Variants in RIMS1 observed in about 807,000 individuals in gnomAD.
The protein encoded by RIMS1 is regulating synaptic membrane exocytosis 1.
In RIMS1, 83 loss-of-function variants were observed where a neutral mutation model predicts 214.1. The ratio of observed to expected loss-of-function variants is 0.39; its 90% CI spans 0.32 to 0.47. The LOEUF is 0.47. Among genes scored for constraint, RIMS1 ranks in the 20% least tolerant of loss-of-function variants. The pLI is 0.99. For missense variants in RIMS1, 2,050 were observed against 2,161.8 expected (o/e 0.95, Z 1.03); for synonymous variants, 793 against 786.8 (o/e 1.01, Z -0.13).
intron 6 of RIMS1, among the ~76,000 whole-genome samples, chr6:72,212,238 A>T (rs1371845544): frequency 6.6e-6 from 1 of 151,760 alleles, no homozygotes; most frequent in African/African-American, 2.4e-5. Flanking sequence ...AGGAATATGC[A>T]TCTCATTTAT....
chr6:72,233,864 T>A, intron 7 of RIMS1, 24 bp downstream of exon 7: 2 of 1,512,162 alleles, frequency 1.3e-6, no homozygotes, highest in Non-Finnish European at 1.8e-6. Context: ...AAAGTGTGTT[T>A]GGAGTTTAGG....
intron 27 of RIMS1, among the ~76,000 whole-genome samples, chr6:72,312,896 T>G (rs1196266308): frequency 6.6e-6 from 1 of 152,204 alleles, no homozygotes; most frequent in Non-Finnish European, 1.5e-5. Context: ...CAAGTATCCC[T>G]TACCCAAAAT....
At chr6:72,087,287 T>C (rs966719592) in intron 2 of RIMS1, among the ~76,000 whole-genome samples, 8 of 152,224 alleles carry the variant, frequency 5.3e-5, no homozygotes, top group Non-Finnish European at 1.2e-4. Context: ...GATTTTACCA[T>C]GCCAATGCAG....
intron 1 of RIMS1, among the ~76,000 whole-genome samples, chr6:71,958,582 A>G (rs1164200345): frequency 1.3e-5 from 2 of 152,142 alleles, no homozygotes; most frequent in Admixed American, 6.6e-5. Flanking sequence ...TCAAAGTGAC[A>G]AAATGATGTT....
intron 2 of RIMS1, among the ~76,000 whole-genome samples, chr6:72,043,854 A>C (rs1394275626): frequency 8.6e-5 from 13 of 151,700 alleles, no homozygotes; most frequent in Admixed American, 8.6e-4. Context: ...TACATTAATG[A>C]AGAAAAATTT....
intron 6 of RIMS1, among the ~76,000 whole-genome samples, chr6:72,191,372 G>A (rs1392927679): frequency 1.3e-5 from 2 of 152,246 alleles, no homozygotes; most frequent in African/African-American, 4.8e-5. Context: ...TACTGAGGTA[G>A]AAGGTCCCTG....
chr6:72,282,393 C>A (rs77691751), intron 23 of RIMS1, among the ~76,000 whole-genome samples: 1 of 151,988 alleles, frequency 6.6e-6, no homozygotes, highest in Non-Finnish European at 1.5e-5. Context: ...TCTCTGCCCC[C>A]CTACCACCCA....
chr6:72,016,909 A>T (rs1812944697), intron 2 of RIMS1, among the ~76,000 whole-genome samples: 1 of 152,178 alleles, frequency 6.6e-6, no homozygotes, highest in Non-Finnish European at 1.5e-5. Flanking sequence ...TTGACATGGG[A>T]CCCTGGCAAT....
intron 27 of RIMS1, among the ~76,000 whole-genome samples, chr6:72,308,892 T>C (rs1170211683): frequency 6.6e-6 from 1 of 152,196 alleles, no homozygotes; most frequent in Non-Finnish European, 1.5e-5. Context: ...TCTTCATAGA[T>C]ATCATCATCG....
chr6:71,903,458 C>A (rs1023309600), intron 1 of RIMS1, among the ~76,000 whole-genome samples: 2 of 152,018 alleles, frequency 1.3e-5, no homozygotes, highest in African/African-American at 4.8e-5. Context: ...GATTTCATGA[C>A]CAAAACGTCA....
chr6:72,002,847 G>A (rs1805759367), intron 2 of RIMS1, among the ~76,000 whole-genome samples: 1 of 152,112 alleles, frequency 6.6e-6, no homozygotes. Context: ...GAAAGAAAAT[G>A]GCTACATCCC....
chr6:71,920,570 A>G (rs1017956814), intron 1 of RIMS1, among the ~76,000 whole-genome samples: 1 of 152,228 alleles, frequency 6.6e-6, no homozygotes, highest in Non-Finnish European at 1.5e-5. Context: ...TTATGTAGGT[A>G]AAATTTAATT....
intron 2 of RIMS1, among the ~76,000 whole-genome samples, chr6:72,085,410 T>C (rs1360937897): frequency 6.6e-6 from 1 of 152,176 alleles, no homozygotes; most frequent in African/African-American, 2.4e-5. Context: ...ATTTCTGTGA[T>C]TCACAAAATT....
At chr6:71,991,233 T>A (rs1399155702) in intron 2 of RIMS1, among the ~76,000 whole-genome samples, 1 of 152,166 alleles carries the variant, frequency 6.6e-6, no homozygotes, top group Non-Finnish European at 1.5e-5. Context: ...AAATTGCCTC[T>A]GGACTATATG....
intron 1 of RIMS1, among the ~76,000 whole-genome samples, chr6:71,895,495 C>A (rs894877634): frequency 6.6e-6 from 1 of 151,630 alleles, no homozygotes; most frequent in African/African-American, 2.4e-5. Flanking sequence ...GCCAATATGG[C>A]GAAACCCCAT....
At chr6:72,340,644 C>G (rs946210999) in intron 29 of RIMS1, among the ~76,000 whole-genome samples, 7 of 152,006 alleles carry the variant, frequency 4.6e-5, no homozygotes, top group African/African-American at 1.7e-4. Context: ...TGGTCTATAT[C>G]TCTGTTTTGG....
chr6:72,252,341 T>A (rs1165556808), intron 15 of RIMS1, among the ~76,000 whole-genome samples: 2 of 152,294 alleles, frequency 1.3e-5, no homozygotes, highest in East Asian at 3.9e-4. Context: ...CTGATGTTTT[T>A]TCATTAATAT....
At chr6:72,183,438 T>C (rs1021793798) in intron 6 of RIMS1, among the ~76,000 whole-genome samples, 2 of 152,184 alleles carry the variant, frequency 1.3e-5, no homozygotes, top group Admixed American at 1.3e-4. Context: ...TTTTAAGATA[T>C]TATTTTAGAG....
At chr6:72,364,728 G>T (rs936062893) in intron 29 of RIMS1, among the ~76,000 whole-genome samples, 3 of 152,194 alleles carry the variant, frequency 2.0e-5, no homozygotes, top group Non-Finnish European at 4.4e-5. Flanking sequence ...GGGAAAGGAA[G>T]TCAAAATACG....
Sources: gnomAD v4.1 joint callset for allele counts (sites outside exome capture counted in the v4.1 genomes callset) on GRCh38, gnomAD v4.1.1 for gene constraint, MANE v1.5 for transcripts, NCBI Gene and HGNC (gene_info 2026-07-23, HGNC 2026-07-21) for gene names.